STOM: variants seen among roughly 807,000 people sequenced by gnomAD.
The protein encoded by STOM is erythrocyte band 7 integral membrane protein.
Under a neutral mutation model 30.6 loss-of-function variants are expected in STOM, and 25 were observed. The observed-to-expected ratio is 0.82, with a 90% CI of 0.60 to 1.14. The LOEUF (loss-of-function observed/expected upper bound fraction) is 1.14, where lower values mean the gene tolerates loss of function less well. Ranked by LOEUF, STOM falls within the 50% of genes most tolerant of loss-of-function variation. The pLI, the probability that STOM is intolerant of heterozygous loss-of-function variation, is 0.00. For missense variants in STOM, 292 were observed against 365.2 expected (o/e 0.80, Z 1.63); for synonymous variants, 118 against 130.8 (o/e 0.90, Z 0.67).
chr9:121,353,780 T>C (rs1439629740), intron 3 of STOM, among the ~76,000 whole-genome samples: 1 of 152,148 alleles, frequency 6.6e-6, no homozygotes, highest in Non-Finnish European at 1.5e-5. Flanking sequence ...TCTGCAATAC[T>C]CTCCTCTTTG....
chr9:121,341,493 C>T, intron 6 of STOM, 85 bp from the exon 7 acceptor site: 1 of 1,562,856 alleles, frequency 6.4e-7, no homozygotes, highest in Non-Finnish European at 8.7e-7. Context: ...ATGTATACCT[C>T]AGGTGGTCCA....
Position 121,349,272 on chromosome 9 carries a change from G to T in STOM, c.373C>A (p.Arg125Ser). 6.2e-7 allele frequency: 1 copy of T among 1,614,096 alleles called. No individual in the cohort carries two copies. Among genetic ancestry groups the T allele is most frequent in the Non-Finnish European group, 8.5e-7 (1 of 1,180,000 alleles). ...TISVDGVVYY[R>S]VQNATLAVAN... ...ACAGCCAGGGTTGCATTCTGAACGC[G>T]GTAATAGACCACACCATCCACGCTA... is the stretch of plus-strand genomic sequence containing the variant. Residue 125 changes from arginine (R) to serine (S), a missense_variant, in exon 5 of 7, where the codon CGC becomes AGC. Transcript: ENST00000286713.
intron 6 of STOM, among the ~76,000 whole-genome samples, chr9:121,345,759 T>G (rs1210425874): frequency 6.6e-6 from 1 of 152,180 alleles, no homozygotes; most frequent in East Asian, 1.9e-4. Context: ...GATAGAAATT[T>G]TCTTTCCAAA....
chr9:121,341,459 A>G (rs1240825256), intron 6 of STOM, 51 bp from the exon 7 acceptor site: 1 of 1,609,040 alleles, frequency 6.2e-7, no homozygotes, highest in East Asian at 2.2e-5. Flanking sequence ...TCATGGGGAC[A>G]CACAGCACTC....
At chr9:121,341,745 C>T (rs2064248762) in intron 6 of STOM, among the ~76,000 whole-genome samples, 1 of 152,194 alleles carries the variant, frequency 6.6e-6, no homozygotes, top group East Asian at 1.9e-4. Context: ...TTTTGCAAGT[C>T]AGCAGCATTT....
chr9:121,357,343 A>G (rs75524301), intron 1 of STOM, among the ~76,000 whole-genome samples: 4,422 of 151,330 alleles, frequency 0.029, 86 homozygotes, highest in Middle Eastern at 0.062. Flanking sequence ...ATAACAAAGG[A>G]GGGAAAAATT....
chr9:121,366,115 C>T, intron 1 of STOM: 1 of 985,126 alleles, frequency 1.0e-6, no homozygotes, highest in Non-Finnish European at 1.2e-6. Context: ...TACTACCTTA[C>T]CATAGTGCTC....
At chr9:121,367,026 C>A (rs1170056964) in intron 1 of STOM, among the ~76,000 whole-genome samples, 1 of 151,858 alleles carries the variant, frequency 6.6e-6, no homozygotes, top group East Asian at 1.9e-4. Context: ...TGAGCTATGA[C>A]TGCACCATTG....
intron 1 of STOM, among the ~76,000 whole-genome samples, chr9:121,360,265 C>T (rs1463575393): frequency 2.0e-5 from 3 of 152,080 alleles, no homozygotes; most frequent in African/African-American, 7.2e-5. Context: ...TCTTATGGCA[C>T]TTATATCTTG....
intron 6 of STOM, among the ~76,000 whole-genome samples, chr9:121,347,380 G>A (rs1467520466): frequency 2.0e-5 from 3 of 152,116 alleles, no homozygotes; most frequent in African/African-American, 7.2e-5. Context: ...CCTCCCAGAG[G>A]GGCCATGCCA....
In STOM at chr9:121,339,585, A is replaced by T. The variant is rs2064228352; in HGVS notation, c.*1617T>A. 8.1e-7 allele frequency: 1 copy of T among 1,231,370 alleles called. No individual in the cohort carries two copies. Among genetic ancestry groups the T allele is most frequent in the Non-Finnish European group, 1.0e-6 (1 of 987,854 alleles). 76.3% of individuals were successfully genotyped at this position (1,231,370 alleles called of 1,614,324 possible). ...AGAGCTATAAAGGCTCGTGCTGGGA[A>T]AGAAAGCTGTTATGCTTAGACTTCT... On this transcript the variant is annotated 3_prime_UTR_variant, in exon 7 of 7. Coordinates refer to ENST00000286713, the MANE Select transcript of STOM (RefSeq NM_004099.6).
intron 1 of STOM, among the ~76,000 whole-genome samples, chr9:121,366,569 A>G (rs2134047923): frequency 6.6e-6 from 1 of 152,294 alleles, no homozygotes; most frequent in South Asian, 2.1e-4. Flanking sequence ...GCCATGCCCT[A>G]AAATCAACAG....
Position 121,348,025 on chromosome 9 carries a change from G to A in STOM, c.650C>T (p.Ala217Val). ...TAAAAAAAAAGTTACCTTGGCGCGGGCCTCGCGGGACGCTTCTGCTTCTGC... is the reference window on the plus strand; with the variant it reads ...TAAAAAAAAAGTTACCTTGGCGCGGACCTCGCGGGACGCTTCTGCTTCTGC... The part of the protein sequence containing the change: ...MAAEAEASRE[A>V]RAKVIAAEGE... The change falls in exon 6 of 7, where the codon GCC becomes GTC. Residue 217 changes from alanine to valine, a missense_variant. Ala to Val is a moderately conservative substitution (Grantham distance 64). Coordinates refer to ENST00000286713, the MANE Select transcript of STOM (RefSeq NM_004099.6). The A allele has an allele frequency of 3.7e-6, 6 of 1,613,520 alleles. No homozygotes were observed. Among genetic ancestry groups the A allele is most frequent in the Non-Finnish European group, 5.1e-6 (6 of 1,179,646 alleles).
At chr9:121,368,932 CAA>C (rs34631713) in intron 1 of STOM, among the ~76,000 whole-genome samples, 21 of 96,846 alleles carry the variant, frequency 2.2e-4, no homozygotes, top group African/African-American at 2.7e-4. Flanking sequence ...AACTCCGTCT[CAA>C]AAAAAAAAAA....
intron 1 of STOM, among the ~76,000 whole-genome samples, chr9:121,358,463 A>AAAGG (rs560934797): frequency 2.0e-4 from 31 of 152,000 alleles, no homozygotes; most frequent in East Asian, 1.9e-3. Flanking sequence ...GAAAGAAAGA[A>AAAGG]AAGGAAGGAA....
At chr9:121,361,954 G>C (rs1226181343) in intron 1 of STOM, among the ~76,000 whole-genome samples, 1 of 152,194 alleles carries the variant, frequency 6.6e-6, no homozygotes, top group Non-Finnish European at 1.5e-5. Flanking sequence ...GTTCACAATA[G>C]GGTTTGTGCT....
chr9:121,340,276 G>A lies in STOM; in HGVS notation c.*926C>T, dbSNP rs1262168350. The A allele has an allele frequency of 2.0e-6, 2 of 985,338 alleles. No homozygotes were observed. The highest frequency in any genetic ancestry group is 2.3e-4 in the East Asian group (2 of 8,820). The allele number at this position is 985,338 out of a possible 1,614,324, so 61.0% of individuals were successfully genotyped here. A position where few individuals can be genotyped will look rare whatever the true frequency, so the allele number is the denominator to read the frequency against. ...TTTTTAAAATGACCACTCTAGTAGTGAATTTAAAAGTCTTTTAAGGGTTAG... is the reference window on the plus strand; with the variant it reads ...TTTTTAAAATGACCACTCTAGTAGTAAATTTAAAAGTCTTTTAAGGGTTAG... On this transcript the variant is annotated 3_prime_UTR_variant, in exon 7 of 7. Transcript: ENST00000286713.
Position 121,370,196 on chromosome 9 carries a change from A to G in STOM, c.-9T>C. The G allele has an allele frequency of 1.3e-6, 2 of 1,546,882 alleles. No individual in the cohort carries two copies. Among genetic ancestry groups the G allele is most frequent in the Non-Finnish European group, 1.7e-6 (2 of 1,145,740 alleles). ...TGCCGCTTCTCGGCCATGCTGCCCG[A>G]GACGCAGTCGCACTCCCCCGTCCTC... is the stretch of plus-strand genomic sequence containing the variant. On this transcript the variant is annotated 5_prime_UTR_variant, in exon 1 of 7. Coordinates refer to ENST00000286713, the MANE Select transcript of STOM (RefSeq NM_004099.6).
At chr9:121,366,902 A>G (rs560397061) in intron 1 of STOM, among the ~76,000 whole-genome samples, 38 of 151,946 alleles carry the variant, frequency 2.5e-4, no homozygotes, top group African/African-American at 8.2e-4. Context: ...AGCCTGGGCA[A>G]CATAGTGAGA....
Sources: gnomAD v4.1 joint callset for allele counts (sites outside exome capture counted in the v4.1 genomes callset) on GRCh38, gnomAD v4.1.1 for gene constraint, MANE v1.5 for transcripts, NCBI Gene and HGNC (gene_info 2026-07-23, HGNC 2026-07-21) for gene names.